Variants in MYL10 observed in about 807,000 individuals in gnomAD.
MYL10 encodes the protein myosin regulatory light chain 10.
MYL10 carries 18 observed loss-of-function variants against 21.9 expected under a neutral mutation model. That is an observed-to-expected ratio of 0.82 (90% CI 0.57 to 1.22). The LOEUF (loss-of-function observed/expected upper bound fraction) is 1.22. Among genes scored for constraint, MYL10 ranks in the 50% most tolerant of loss-of-function variants. MYL10 has a pLI of 0.00. For synonymous variants in MYL10, 88 were observed against 82.8 expected (o/e 1.06, Z -0.34); for missense variants, 225 against 230.4 (o/e 0.98, Z 0.15).
intron 1 of MYL10, chr7:101,627,545 G>A (rs1796760867): frequency 6.5e-6 from 1 of 152,704 alleles, no homozygotes; most frequent in Non-Finnish European, 1.5e-5. Context: ...CCCTTAAATA[G>A]TGGTCCTCCC....
Position 101,616,239 on chromosome 7 carries a change from C to T in MYL10, c.514G>A (p.Gly172Ser), listed in dbSNP as rs1444278592. The T allele has an allele frequency of 7.4e-6, 12 of 1,614,176 alleles. No individual in the cohort carries two copies. Among genetic ancestry groups the T allele is most frequent in the Non-Finnish European group, 1.0e-5 (12 of 1,180,010 alleles). The change falls in exon 6 of 8, where the codon GGT becomes AGT. Residue 172 changes from glycine (G) to serine (S), a missense_variant. Transcript: ENST00000223167. The part of the protein sequence containing the change: ...AFKVFDTEGK[G>S]FVKADVIKEK... ...ACTTACACATCGGCCTTGACGAAAC[C>T]TTTCCCTTCAGTGTCGAACACTTTG...
At chr7:101,619,886 T>C (rs1796655912) in intron 5 of MYL10, among the ~76,000 whole-genome samples, 2 of 29,564 alleles carry the variant, frequency 6.8e-5, no homozygotes, top group African/African-American at 4.0e-4. Context: ...CAAGACTCCG[T>C]CTCAAAAAAA....
chr7:101,622,209 G>T lies in MYL10; in HGVS notation c.350-9C>A. 6.2e-7 allele frequency: 1 copy of T among 1,605,552 alleles called. No homozygotes were observed. The highest frequency in any genetic ancestry group is 8.5e-7 in the Non-Finnish European group (1 of 1,173,380). On this transcript the variant is annotated splice_polypyrimidine_tract_variant and intron_variant, in intron 4 of 7. Coordinates refer to ENST00000223167, the MANE Select transcript of MYL10 (RefSeq NM_138403.5). Reference sequence around the variant, plus strand: ...CTTGACATTGATGCGGCCTGTGGGAGGTGAGAGGTGGGGGCAGGGAGGATA... The same window carrying T: ...CTTGACATTGATGCGGCCTGTGGGATGTGAGAGGTGGGGGCAGGGAGGATA...
At chr7:101,613,606 G>A in intron 7 of MYL10, 33 bp from the exon 8 acceptor site, 1 of 1,613,416 alleles carries the variant, frequency 6.2e-7, no homozygotes, top group Non-Finnish European at 8.5e-7. Context: ...CCTGCACCAG[G>A]CCAAGTGGGG....
intron 6 of MYL10, among the ~76,000 whole-genome samples, chr7:101,613,959 C>T (rs1796580142): frequency 6.6e-6 from 1 of 152,060 alleles, no homozygotes; most frequent in African/African-American, 2.4e-5. Context: ...GGGGACCCCA[C>T]CATGAGGGCT....
Position 101,622,184 on chromosome 7 carries a change from C to G in MYL10, c.366G>C (p.Lys122Asn), listed in dbSNP as rs748844287. 3 of 1,612,952 alleles carry G rather than the reference C, an allele frequency of 1.9e-6. No homozygotes were observed. The highest frequency in any genetic ancestry group is 2.5e-6 in the Non-Finnish European group (3 of 1,179,394). Reference sequence around the variant, plus strand: ...TCACCATGGCCTCCAGTTCCTCGTTCTTGACATTGATGCGGCCTGTGGGAG... The same window carrying G: ...TCACCATGGCCTCCAGTTCCTCGTTGTTGACATTGATGCGGCCTGTGGGAG... The part of the protein sequence containing the change: ...TFAALGRINV[K>N]NEELEAMVKE... The change falls in exon 5 of 8, where the codon AAG becomes AAC. Residue 122 changes from lysine (K) to asparagine (N), a missense_variant. Transcript: ENST00000223167.
chr7:101,620,702 G>A lies in MYL10; in HGVS notation c.454+1394C>T, dbSNP rs544458068. On this transcript the variant is annotated intron_variant, in intron 5 of 7. Transcript: ENST00000223167. ...CAAGGCAGGGGGTTCAAGGGAGGGGGCCTGGCAGGGGCAGCCTGAGGGTGC... is the reference window on the plus strand; with the variant it reads ...CAAGGCAGGGGGTTCAAGGGAGGGGACCTGGCAGGGGCAGCCTGAGGGTGC... Among the ~76,000 whole-genome samples the A allele has an allele frequency of 2.0e-4, 31 of 152,154 alleles. No homozygotes were observed. In the East Asian group the frequency reaches 5.6e-3, roughly 28 times the overall value.
chr7:101,626,761 T>C (rs998896952), intron 1 of MYL10, among the ~76,000 whole-genome samples: 1 of 152,140 alleles, frequency 6.6e-6, no homozygotes, highest in African/African-American at 2.4e-5. Context: ...ACCCTCCTCT[T>C]CCTCATTCCC....
At chr7:101,622,072 C>T (rs781311417) in intron 5 of MYL10, 24 bp downstream of exon 5, 1 of 1,588,594 alleles carries the variant, frequency 6.3e-7, no homozygotes, top group Admixed American at 1.7e-5. Flanking sequence ...GCTGCCCCTC[C>T]AGGACTCCAG....
At chr7:101,627,985 G>C (rs1202849364) in intron 1 of MYL10, among the ~76,000 whole-genome samples, 2 of 152,180 alleles carry the variant, frequency 1.3e-5, no homozygotes, top group Non-Finnish European at 2.9e-5. Flanking sequence ...GGAATAGGGG[G>C]GAGTGTATGA....
chr7:101,625,966 G>A (rs1012208484), intron 1 of MYL10, among the ~76,000 whole-genome samples: 1 of 149,366 alleles, frequency 6.7e-6, no homozygotes, highest in Non-Finnish European at 1.5e-5. Context: ...CTGTCCCAGA[G>A]CTCCACGAGG....
rs1361437013 is a variant in MYL10 at position 101,622,215 on chromosome 7, A to C, written c.350-15T>G. Reference sequence around the variant, plus strand: ...ATTGATGCGGCCTGTGGGAGGTGAGAGGTGGGGGCAGGGAGGATAAGAGAG... The same window carrying C: ...ATTGATGCGGCCTGTGGGAGGTGAGCGGTGGGGGCAGGGAGGATAAGAGAG... On this transcript the variant is annotated splice_polypyrimidine_tract_variant and intron_variant, in intron 4 of 7. Transcript: ENST00000223167. 1 of 1,595,034 alleles carries C rather than the reference A, an allele frequency of 6.3e-7. No individual in the cohort carries two copies. The highest frequency in any genetic ancestry group is 1.3e-5 in the African/African-American group (1 of 74,412).
chr7:101,619,299 C>T (rs547840199), intron 5 of MYL10, among the ~76,000 whole-genome samples: 2 of 152,320 alleles, frequency 1.3e-5, no homozygotes, highest in East Asian at 3.9e-4. Flanking sequence ...GGAATAGGCC[C>T]CGACAAGCTG....
chr7:101,616,334 G>A, intron 5 of MYL10, 36 bp from the exon 6 acceptor site: 1 of 1,551,742 alleles, frequency 6.4e-7, no homozygotes, highest in Non-Finnish European at 8.9e-7. Flanking sequence ...GAGAGAGGCA[G>A]GTGAAGAGGG....
At chr7:101,621,987 A>G (rs1319719791) in intron 5 of MYL10, 109 bp downstream of exon 5, 15 of 818,686 alleles carry the variant, frequency 1.8e-5, no homozygotes, top group Non-Finnish European at 2.9e-5. Context: ...GTCTGGGGCC[A>G]CATCATGCTC....
intron 2 of MYL10, 34 bp downstream of exon 2, chr7:101,624,138 T>A: frequency 7.2e-7 from 1 of 1,385,684 alleles, no homozygotes; most frequent in Non-Finnish European, 1.0e-6. Context: ...ATTCCAAGAA[T>A]CCTCATAACA....
At chr7:101,620,154 T>C (rs1796660303) in intron 5 of MYL10, among the ~76,000 whole-genome samples, 2 of 152,026 alleles carry the variant, frequency 1.3e-5, no homozygotes, top group South Asian at 4.2e-4. Context: ...AAACGGTATC[T>C]CTACTAAAAA....
At chr7:101,625,634 T>C (rs1051675895) in intron 1 of MYL10, among the ~76,000 whole-genome samples, 2 of 152,012 alleles carry the variant, frequency 1.3e-5, no homozygotes, top group Admixed American at 6.6e-5. Context: ...CCGGCTGACT[T>C]ATAATTAGCT....
intron 1 of MYL10, among the ~76,000 whole-genome samples, chr7:101,624,936 C>T (rs76611428): frequency 0.024 from 3,693 of 152,156 alleles, 148 homozygotes; most frequent in African/African-American, 0.085. Flanking sequence ...ACTCTCCCCT[C>T]CCCACATGGC....
Sources: gnomAD v4.1 joint callset for allele counts (sites outside exome capture counted in the v4.1 genomes callset) on GRCh38, gnomAD v4.1.1 for gene constraint, MANE v1.5 for transcripts, NCBI Gene and HGNC (gene_info 2026-07-23, HGNC 2026-07-21) for gene names.